The following KIF21A variants were observed in gnomAD, a reference collection of about 807,000 sequenced individuals.
KIF21A encodes the protein kinesin-like protein KIF21A.
Under a neutral mutation model 202.9 loss-of-function variants are expected in KIF21A, and 114 were observed. That is an observed-to-expected ratio of 0.56 (90% CI 0.48 to 0.66). The LOEUF is 0.66. Ranked by LOEUF, KIF21A falls within the 30% of genes least tolerant of loss-of-function variation. KIF21A has a pLI of 0.00. For missense variants in KIF21A, 1,677 were observed against 1,994.9 expected (o/e 0.84, Z 3.04); for synonymous variants, 667 against 670.8 (o/e 0.99, Z 0.09).
chr12:39,296,225 T>TGGTG (rs1225779333), intron 37 of KIF21A, among the ~76,000 whole-genome samples: 1 of 151,470 alleles, frequency 6.6e-6, no homozygotes, highest in African/African-American at 2.4e-5. Context: ...CCCACCACCA[T>TGGTG]GGCTGGCTAA....
At chr12:39,380,928 C>A (rs1950569788) in intron 1 of KIF21A, among the ~76,000 whole-genome samples, 1 of 152,058 alleles carries the variant, frequency 6.6e-6, no homozygotes, top group Non-Finnish European at 1.5e-5. Context: ...AACTCTCCTT[C>A]AAAGTTCTTT....
At chr12:39,332,537 A>G (rs1946599594) in intron 20 of KIF21A, 54 bp downstream of exon 20, 4 of 1,591,854 alleles carry the variant, frequency 2.5e-6, no homozygotes, top group Non-Finnish European at 3.4e-6. Flanking sequence ...AAATTGGAAG[A>G]GTAAAATTAA....
In KIF21A at chr12:39,294,245, G is replaced by C; in HGVS notation, c.*179C>G. Reference sequence around the variant, plus strand: ...ATCTATTGGTTGATCTTAAAACTAAGCACACAGGATAGTACACAATTTTAT... The same window carrying C: ...ATCTATTGGTTGATCTTAAAACTAACCACACAGGATAGTACACAATTTTAT... On this transcript the variant is annotated 3_prime_UTR_variant, in exon 38 of 38. Transcript: ENST00000361418. 1 of 573,550 alleles carries C rather than the reference G, an allele frequency of 1.7e-6. No individual in the cohort carries two copies. The highest frequency in any genetic ancestry group is 3.2e-6 in the Non-Finnish European group (1 of 316,526). The allele number at this position is 573,550 out of a possible 1,614,324, so 35.5% of individuals were successfully genotyped here. A position where few individuals can be genotyped will look rare whatever the true frequency, so the allele number is the denominator to read the frequency against.
chr12:39,385,893 A>G (rs930555487), intron 1 of KIF21A, among the ~76,000 whole-genome samples: 1 of 152,216 alleles, frequency 6.6e-6, no homozygotes, highest in African/African-American at 2.4e-5. Context: ...AAGGCAGTTT[A>G]AATACATATA....
At chr12:39,408,365 CAG>C (rs1244201987) in intron 1 of KIF21A, among the ~76,000 whole-genome samples, 1 of 152,026 alleles carries the variant, frequency 6.6e-6, no homozygotes, top group Non-Finnish European at 1.5e-5. Flanking sequence ...AGGCAAAACT[CAG>C]GGGGCAATGC....
chr12:39,396,967 AAT>A (rs1252521711), intron 1 of KIF21A, among the ~76,000 whole-genome samples: 1 of 151,946 alleles, frequency 6.6e-6, no homozygotes, highest in African/African-American at 2.4e-5. Context: ...AGACTAAATA[AAT>A]AGTGTATGAT....
chr12:39,383,776 G>A (rs1331880684), intron 1 of KIF21A, among the ~76,000 whole-genome samples: 1 of 152,066 alleles, frequency 6.6e-6, no homozygotes, highest in Non-Finnish European at 1.5e-5. Context: ...TCCAGCCTGG[G>A]TGACAGAATG....
At chr12:39,412,446 G>T (rs1005678300) in intron 1 of KIF21A, among the ~76,000 whole-genome samples, 1 of 152,198 alleles carries the variant, frequency 6.6e-6, no homozygotes, top group South Asian at 2.1e-4. Context: ...CCCAGGTGTG[G>T]TGGCTCATGC....
At chr12:39,315,437 T>TA (rs1353720717) in intron 30 of KIF21A, among the ~76,000 whole-genome samples, 197 bp from the exon 31 acceptor site, 2 of 152,006 alleles carry the variant, frequency 1.3e-5, no homozygotes, top group Non-Finnish European at 2.9e-5. Context: ...ATATTTATTT[T>TA]AAAAAATGCT....
intron 11 of KIF21A, among the ~76,000 whole-genome samples, chr12:39,348,794 CCAAA>C (rs1019259954): frequency 1.5e-4 from 23 of 151,354 alleles, no homozygotes; most frequent in Non-Finnish European, 2.8e-4. Flanking sequence ...AAAAAAAAAA[CCAAA>C]CAAACAAACA....
chr12:39,367,047 A>G lies in KIF21A; in HGVS notation c.718T>C (p.Cys240Arg), dbSNP rs1949649363. The G allele has an allele frequency of 1.9e-6, 3 of 1,613,666 alleles. 1 individual carries two copies. The South Asian group carries it at 3.3e-5, about 18-fold the overall frequency. Residue 240 changes from cysteine (C) to arginine (R), a missense_variant, in exon 5 of 38, where the codon TGT (cysteine) becomes CGT (arginine). By Grantham distance (180) the Cys-to-Arg change is radical. Around this residue, in one of 3 missense-constraint regions of KIF21A, gnomAD observed 966 missense variants for 1,180.9 expected, o/e 0.82. Transcript: ENST00000361418. ...TAACTCACAGCATCTATTTGGGGAC[A>G]CACTCTGGTTTGACACACATGAATG... ...FTIHVCQTRV[C>R]PQIDADNATD... is the part of the protein sequence containing the mutation.
rs762626106 is a variant in KIF21A at position 39,330,190 on chromosome 12, C to A, written c.3340+52G>T. On this transcript the variant is annotated intron_variant, in intron 24 of 37. Transcript: ENST00000361418. ...ATGTACCACAATTAGTGTACATGAA[C>A]AATTAGTAATTCATGCAGCTGTAGG... 2.7e-6 allele frequency: 4 copies of A among 1,502,930 alleles called. No homozygotes were observed. The Admixed American group carries it at 6.7e-5, about 25-fold the overall frequency. The allele number at this position is 1,502,930 out of a possible 1,614,324, so 93.1% of individuals were successfully genotyped here. A position where few individuals can be genotyped will look rare whatever the true frequency, so the allele number is the denominator to read the frequency against.
intron 1 of KIF21A, among the ~76,000 whole-genome samples, chr12:39,389,007 T>C (rs1461050894): frequency 6.6e-6 from 1 of 152,170 alleles, no homozygotes; most frequent in Non-Finnish European, 1.5e-5. Context: ...CTTCTTAATA[T>C]GTAAATTTTG....
chr12:39,381,659 A>C (rs1950624470), intron 1 of KIF21A, among the ~76,000 whole-genome samples: 1 of 152,218 alleles, frequency 6.6e-6, no homozygotes, highest in Non-Finnish European at 1.5e-5. Flanking sequence ...ATTAGACTAT[A>C]AGGAACACTT....
intron 24 of KIF21A, among the ~76,000 whole-genome samples, chr12:39,329,431 A>C (rs1308839469): frequency 5.9e-5 from 9 of 152,210 alleles, no homozygotes; most frequent in Admixed American, 5.9e-4. Flanking sequence ...CACTAAGAAC[A>C]AAGAGAAGGA....
chr12:39,307,210 T>A (rs1943561283), intron 34 of KIF21A, among the ~76,000 whole-genome samples: 1 of 152,272 alleles, frequency 6.6e-6, no homozygotes, highest in South Asian at 2.1e-4. Context: ...GTTTAAACGA[T>A]GTTGCAAGAA....
intron 7 of KIF21A, among the ~76,000 whole-genome samples, chr12:39,359,691 A>C (rs1392843785): frequency 6.6e-6 from 1 of 152,180 alleles, no homozygotes; most frequent in African/African-American, 2.4e-5. Context: ...CCAGTCTAGC[A>C]CCAGTCTGCA....
chr12:39,302,936 C>T, intron 36 of KIF21A, 29 bp downstream of exon 36: 2 of 1,600,514 alleles, frequency 1.2e-6, no homozygotes, highest in Non-Finnish European at 1.7e-6. Context: ...GAAATGCCCA[C>T]TCTATACCAT....
intron 1 of KIF21A, among the ~76,000 whole-genome samples, chr12:39,403,084 C>G (rs1261249547): frequency 6.6e-6 from 1 of 152,000 alleles, no homozygotes; most frequent in Non-Finnish European, 1.5e-5. Context: ...AGTAATGAAC[C>G]TTTCCCACTT....
Sources: gnomAD v4.1 joint callset for allele counts (sites outside exome capture counted in the v4.1 genomes callset) on GRCh38, gnomAD v4.1.1 for gene constraint, gnomAD v4.1.1 regional missense constraint, MANE v1.5 for transcripts, NCBI Gene and HGNC (gene_info 2026-07-23, HGNC 2026-07-21) for gene names.